The following SMAD4 variants were observed in gnomAD, a reference collection of about 807,000 sequenced individuals.
The protein encoded by SMAD4 is SMAD family member 4.
Under a neutral mutation model 63.2 loss-of-function variants are expected in SMAD4, and 7 were observed. That is an observed-to-expected ratio of 0.11 (90% CI 0.06 to 0.21). SMAD4 has a LOEUF of 0.21. Ranked by LOEUF, SMAD4 falls within the 10% of genes least tolerant of loss-of-function variation. The probability of loss-of-function intolerance (pLI) is 1.00; values close to 1 mark genes in which losing one functional copy is unlikely to be tolerated. For synonymous variants in SMAD4, 215 were observed against 235.4 expected, an observed-to-expected ratio of 0.91 and a Z score of 0.79; for missense variants, 312 against 693.8, an observed-to-expected ratio of 0.45 and a Z score of 6.18.
chr18:51,067,287 TTAAA>T (rs1369519511), intron 10 of SMAD4, 100 bp downstream of exon 10: 1 of 625,316 alleles, frequency 1.6e-6, no homozygotes, highest in Non-Finnish European at 2.8e-6. Flanking sequence ...GTTTTATATA[TTAAA>T]TAATAAGAAA....
At chr18:51,076,571 G>A (rs79051374) in intron 10 of SMAD4, 67 bp from the exon 11 acceptor site, 2 of 1,390,768 alleles carry the variant, frequency 1.4e-6, no homozygotes, top group Non-Finnish European at 2.0e-6. Flanking sequence ...AATAAGTCAG[G>A]CATTGGTTTT....
chr18:51,073,442 G>T (rs1910387203), intron 10 of SMAD4, among the ~76,000 whole-genome samples: 1 of 123,674 alleles, frequency 8.1e-6, no homozygotes, highest in Non-Finnish European at 1.6e-5. Flanking sequence ...CACCATACTT[G>T]GTTAGTGATG....
chr18:51,048,159 A>G (rs1909601990), intron 2 of SMAD4, among the ~76,000 whole-genome samples: 1 of 152,004 alleles, frequency 6.6e-6, no homozygotes, highest in South Asian at 2.1e-4. Context: ...ATATTTATTT[A>G]TTTTATTTTA....
chr18:51,055,734 G>A (rs1909827941), intron 5 of SMAD4, among the ~76,000 whole-genome samples: 1 of 151,058 alleles, frequency 6.6e-6, no homozygotes, highest in Non-Finnish European at 1.5e-5. Flanking sequence ...TAATCATAGA[G>A]CATTGTCTTG....
Position 51,065,899 on chromosome 18 carries a change from T to C in SMAD4, c.1139+293T>C, listed in dbSNP as rs568665285. 7.0e-4 allele frequency among the ~76,000 whole-genome samples: 106 copies of C among 152,194 alleles called. 1 individual carries two copies. The highest frequency in any genetic ancestry group is 1.3e-4 in the Non-Finnish European group (9 of 68,042). The stretch of plus-strand genomic sequence containing the variant: ...TTGAAAATTTTATTTTCTGTGATCA[T>C]ACATTTCTACAAATTACTGAAAGGA... On this transcript the variant is annotated intron_variant, in intron 9 of 11. Transcript: ENST00000342988.
chr18:51,037,913 C>G (rs1226667191), intron 1 of SMAD4, among the ~76,000 whole-genome samples: 1 of 152,144 alleles, frequency 6.6e-6, no homozygotes, highest in Non-Finnish European at 1.5e-5. Context: ...TGGGAAACTC[C>G]TGTCACTATG....
intron 8 of SMAD4, among the ~76,000 whole-genome samples, chr18:51,063,532 C>T (rs1462683117): frequency 6.6e-6 from 1 of 152,134 alleles, no homozygotes; most frequent in Admixed American, 6.5e-5. Context: ...CCCATCTCAG[C>T]CTCCCGTGTA....
intron 4 of SMAD4, 188 bp from the exon 5 acceptor site, chr18:51,054,593 C>T: frequency 1.7e-6 from 1 of 582,558 alleles, no homozygotes; most frequent in Non-Finnish European, 3.0e-6. Context: ...CATGCTGTTA[C>T]CGCTGAATAA....
At chr18:51,073,877 C>G (rs1910402437) in intron 10 of SMAD4, among the ~76,000 whole-genome samples, 1 of 151,970 alleles carries the variant, frequency 6.6e-6, no homozygotes, top group African/African-American at 2.4e-5. Flanking sequence ...AAGGCATGAT[C>G]CATAAAGGAA....
chr18:51,071,584 G>A (rs1170905204), intron 10 of SMAD4, among the ~76,000 whole-genome samples: 1 of 152,076 alleles, frequency 6.6e-6, no homozygotes, highest in Non-Finnish European at 1.5e-5. Flanking sequence ...ATTTAGCACT[G>A]GGCGTTTCAA....
In SMAD4 at chr18:51,048,836, G is replaced by C. The variant is rs748395067; in HGVS notation, c.400G>C (p.Glu134Gln). 1 of 1,613,724 alleles carries C rather than the reference G, an allele frequency of 6.2e-7. No homozygotes were observed. Among genetic ancestry groups the C allele is most frequent in the Non-Finnish European group, 8.5e-7 (1 of 1,179,800 alleles). ...TGTCTGTGTGAATCCATATCACTAC[G>C]AACGAGTTGTATCACCTGGAATTGG... ...DSVCVNPYHY[E>Q]RVVSPGIDLS... is the part of the protein sequence containing the mutation. The change falls in exon 3 of 12, where the codon GAA becomes CAA. Residue 134 changes from glutamate to glutamine, a missense_variant. Glu to Gln is a conservative substitution (Grantham distance 29). This residue lies in a region of SMAD4 where 14 missense variants were observed against 89.6 expected (regional missense o/e 0.16). Transcript: ENST00000342988.
intron 5 of SMAD4, among the ~76,000 whole-genome samples, chr18:51,056,011 G>A (rs1404236554): frequency 6.6e-6 from 1 of 152,140 alleles, no homozygotes; most frequent in Non-Finnish European, 1.5e-5. Context: ...AAAGCAACAT[G>A]TTTTTGGTTT....
At position 51,080,522 on chromosome 18, in the gene SMAD4, A is replaced by G. The variant is rs921287490; in HGVS notation, c.*2055A>G. ...TCCAGATGATTTGATTAAAACCTTA[A>G]TCATACATTGACATAATTCATTGCT... On this transcript the variant is annotated 3_prime_UTR_variant, in exon 12 of 12. Coordinates refer to ENST00000342988, the MANE Select transcript of SMAD4 (RefSeq NM_005359.6). The G allele has an allele frequency of 1.9e-5, 4 of 214,738 alleles. No homozygotes were observed. Among genetic ancestry groups the G allele is most frequent in the Middle Eastern group, 2.8e-3 (2 of 710 alleles). 13.3% of individuals were successfully genotyped at this position (214,738 alleles called of 1,614,324 possible). A position where few individuals can be genotyped will look rare whatever the true frequency, so the allele number is the denominator to read the frequency against.
At position 51,079,346 on chromosome 18, in the gene SMAD4, A is replaced by T. The variant is rs1264371580; in HGVS notation, c.*879A>T. On this transcript the variant is annotated 3_prime_UTR_variant, in exon 12 of 12. Transcript: ENST00000342988. ...TTTTTAAAACACTAAAAGCAGCGTC[A>T]CTCTACCTAATGTCTCACTGTTCTG... 2 of 233,320 alleles carry T rather than the reference A, an allele frequency of 8.6e-6. No individual in the cohort carries two copies. Among genetic ancestry groups the T allele is most frequent in the East Asian group, 6.1e-5 (1 of 16,496 alleles). 14.5% of individuals were successfully genotyped at this position (233,320 alleles called of 1,614,324 possible).
At chr18:51,043,087 C>T (rs1168100630) in intron 1 of SMAD4, among the ~76,000 whole-genome samples, 1 of 152,084 alleles carries the variant, frequency 6.6e-6, no homozygotes, top group Non-Finnish European at 1.5e-5. Context: ...GCTTTTCCTC[C>T]TTTTTGTTAT....
chr18:51,083,571 A>G lies in SMAD4; in HGVS notation c.*5104A>G, dbSNP rs1910663332. On this transcript the variant is annotated 3_prime_UTR_variant, in exon 12 of 12. Transcript: ENST00000342988. ...CACCGTTTATTTAAATGCTTTCTCA[A>G]TAGGTCCAGAGCCAGTGTTCTTGTT... 1 of 228,078 alleles carries G rather than the reference A, an allele frequency of 4.4e-6. No individual in the cohort carries two copies. The highest frequency in any genetic ancestry group is 8.7e-6 in the Non-Finnish European group (1 of 114,866). The allele number at this position is 228,078 out of a possible 1,614,324, so 14.1% of individuals were successfully genotyped here. A position where few individuals can be genotyped will look rare whatever the true frequency, so the allele number is the denominator to read the frequency against.
At position 51,067,043 on chromosome 18, in the gene SMAD4, G is replaced by C. The variant is rs2144451861; in HGVS notation, c.1164G>C (p.Gln388His). The change falls in exon 10 of 12, where the codon CAG (glutamine) becomes CAC (histidine). Residue 388 changes from glutamine (Q) to histidine (H), a missense_variant. By Grantham distance (24) the Gln-to-His change is conservative. Around this residue, in one of 4 missense-constraint regions of SMAD4, gnomAD observed 92 missense variants for 305.9 expected, o/e 0.30. Coordinates refer to ENST00000342988, the MANE Select transcript of SMAD4 (RefSeq NM_005359.6). ...RARLHIGKGV[Q>H]LECKGEGDVW... ...GGTTGCACATAGGCAAAGGTGTGCAGTTGGAATGTAAAGGTGAAGGTGATG... is the reference window on the plus strand; with the variant it reads ...GGTTGCACATAGGCAAAGGTGTGCACTTGGAATGTAAAGGTGAAGGTGATG... The C allele has an allele frequency of 1.2e-6, 2 of 1,613,834 alleles. No homozygotes were observed. Among genetic ancestry groups the C allele is most frequent in the East Asian group, 2.2e-5 (1 of 44,870 alleles).
intron 1 of SMAD4, among the ~76,000 whole-genome samples, chr18:51,045,950 T>C (rs146660995): frequency 1.3e-5 from 2 of 152,348 alleles, no homozygotes; most frequent in East Asian, 1.9e-4. Context: ...ATCCATGTTA[T>C]AATTTGTTAG....
intron 8 of SMAD4, among the ~76,000 whole-genome samples, chr18:51,061,623 A>G (rs1599192577): frequency 1.3e-5 from 2 of 152,146 alleles, no homozygotes; most frequent in African/African-American, 4.8e-5. Context: ...AAGTTCCCCC[A>G]TTGTACTCAT....
Sources: allele counts gnomAD v4.1 joint callset (sites outside exome capture counted in the v4.1 genomes callset), GRCh38; gene constraint gnomAD v4.1.1; regional missense constraint gnomAD v4.1.1; transcripts MANE v1.5; gene names NCBI Gene and HGNC (gene_info 2026-07-23, HGNC 2026-07-21).